Variants in ERC2 observed in about 807,000 individuals in gnomAD.
ERC2 encodes ELKS/RAB6-interacting/CAST family member 2.
Under a neutral mutation model 114.8 loss-of-function variants are expected in ERC2, and 42 were observed. The ratio of observed to expected loss-of-function variants is 0.37; its 90% CI spans 0.29 to 0.47. The LOEUF (loss-of-function observed/expected upper bound fraction) is 0.47, where lower values mean the gene tolerates loss of function less well. Ranked by LOEUF, ERC2 falls within the 20% of genes least tolerant of loss-of-function variation. The pLI is 0.99. For synonymous variants in ERC2, 454 were observed against 425.5 expected, an observed-to-expected ratio of 1.07 and a Z score of -0.82; for missense variants, 939 against 1,150.7, an observed-to-expected ratio of 0.82 and a Z score of 2.66.
At position 56,165,827 on chromosome 3, in the gene ERC2, T is replaced by C. The variant is rs561872023; in HGVS notation, c.1149+7619A>G. The stretch of plus-strand genomic sequence containing the variant: ...ATTTACTAATCTAATATTGTATATA[T>C]GGATTCACTGATATTTTCTACAGAC... On this transcript the variant is annotated intron_variant, in intron 4 of 17. Coordinates refer to ENST00000288221, the MANE Select transcript of ERC2 (RefSeq NM_015576.3). Among the ~76,000 whole-genome samples, 5 of 152,138 alleles carry C rather than the reference T, an allele frequency of 3.3e-5. No individual in the cohort carries two copies. In the East Asian group the frequency reaches 7.7e-4, roughly 23 times the overall value.
chr3:56,273,687 C>T (rs2150302297), intron 3 of ERC2, among the ~76,000 whole-genome samples: 1 of 152,036 alleles, frequency 6.6e-6, no homozygotes, highest in Non-Finnish European at 1.5e-5. Context: ...GTAGAAGCTC[C>T]CAAAAAAAGG....
intron 2 of ERC2, among the ~76,000 whole-genome samples, chr3:56,365,608 A>G (rs368466298): frequency 2.6e-5 from 4 of 152,378 alleles, no homozygotes; most frequent in African/African-American, 9.6e-5. Context: ...TATGGTCCAC[A>G]AGCTAAGAAT....
intron 17 of ERC2, among the ~76,000 whole-genome samples, chr3:55,635,602 GC>G (rs2059927971): frequency 6.6e-6 from 1 of 151,924 alleles, no homozygotes; most frequent in Non-Finnish European, 1.5e-5. Flanking sequence ...TGTTGGCCAA[GC>G]TGGTCTTGAA....
Position 56,204,476 on chromosome 3 carries a change from C to CTTTTATTTTATTGTATTTTA in ERC2, c.1075-30957_1075-30956insTAAAATACAATAAAATAAAA, listed in dbSNP as rs1553876361. Among the ~76,000 whole-genome samples, 561 of 132,926 alleles carry CTTTTATTTTATTGTATTTTA rather than the reference C, an allele frequency of 4.2e-3. 5 individuals carry two copies. Among genetic ancestry groups the CTTTTATTTTATTGTATTTTA allele is most frequent in the African/African-American group, 0.015 (533 of 36,072 alleles). 87.2% of individuals were successfully genotyped at this position (132,926 alleles called of 152,430 possible). On this transcript the variant is annotated intron_variant, in intron 3 of 17. Transcript: ENST00000288221. ...TGTGACACAAACATTTAATTAGATG[C>CTTTTATTTTATTGTATTTTA]TTTTATTTTATTTTATTTTATTTTA...
At chr3:55,588,481 C>T (rs760402226) in intron 17 of ERC2, among the ~76,000 whole-genome samples, 1 of 152,216 alleles carries the variant, frequency 6.6e-6, no homozygotes, top group East Asian at 1.9e-4. Context: ...AAAAGACACA[C>T]GAACCTTAGA....
At chr3:56,244,190 C>G (rs1451134450) in intron 3 of ERC2, among the ~76,000 whole-genome samples, 1 of 152,076 alleles carries the variant, frequency 6.6e-6, no homozygotes, top group Non-Finnish European at 1.5e-5. Flanking sequence ...TCATCGCCTT[C>G]GTGAAACAGC....
At chr3:56,265,974 A>G (rs1373024424) in intron 3 of ERC2, among the ~76,000 whole-genome samples, 1 of 151,228 alleles carries the variant, frequency 6.6e-6, no homozygotes. Flanking sequence ...GGTTGCAGTG[A>G]GTTGAGATCA....
chr3:55,970,229 A>T (rs968725874), intron 12 of ERC2, among the ~76,000 whole-genome samples: 1 of 152,180 alleles, frequency 6.6e-6, no homozygotes, highest in Non-Finnish European at 1.5e-5. Flanking sequence ...AATAGCGCAA[A>T]TAACAAATCA....
intron 14 of ERC2, among the ~76,000 whole-genome samples, chr3:55,760,717 G>C (rs1483042905): frequency 2.0e-5 from 3 of 152,180 alleles, no homozygotes; most frequent in Non-Finnish European, 2.9e-5. Context: ...TCTGCATGGA[G>C]GTGGTTCAGT....
At chr3:55,888,641 GGA>G in intron 13 of ERC2, 92 bp from the exon 14 acceptor site, 1 of 1,458,316 alleles carries the variant, frequency 6.9e-7, no homozygotes, top group Non-Finnish European at 9.5e-7. Context: ...CAAACACAAA[GGA>G]ATCACAGGGA....
intron 14 of ERC2, among the ~76,000 whole-genome samples, chr3:55,751,276 G>C (rs143869726): frequency 1.3e-5 from 2 of 152,110 alleles, no homozygotes; most frequent in Non-Finnish European, 2.9e-5. Context: ...GGTATCTTTA[G>C]GATATAAGTG....
chr3:55,988,317 C>T (rs1233091502), intron 11 of ERC2, among the ~76,000 whole-genome samples: 4 of 152,190 alleles, frequency 2.6e-5, no homozygotes, highest in African/African-American at 9.7e-5. Context: ...TAGCAAACTC[C>T]CCTGAGCTGC....
chr3:55,678,979 A>G (rs560601384), intron 17 of ERC2, among the ~76,000 whole-genome samples: 6 of 152,290 alleles, frequency 3.9e-5, no homozygotes, highest in Non-Finnish European at 8.8e-5. Flanking sequence ...CTCACAGATC[A>G]TGGAACAGCC....
At chr3:55,586,233 T>A (rs2057595626) in intron 17 of ERC2, among the ~76,000 whole-genome samples, 1 of 152,150 alleles carries the variant, frequency 6.6e-6, no homozygotes, top group Admixed American at 6.5e-5. Context: ...GAGGTGGCCC[T>A]CGGACTGTGA....
intron 13 of ERC2, among the ~76,000 whole-genome samples, chr3:55,897,671 G>T (rs1396873905): frequency 6.6e-6 from 1 of 152,206 alleles, no homozygotes; most frequent in Non-Finnish European, 1.5e-5. Context: ...CCCGTCAGCA[G>T]CAGCAACTCC....
chr3:55,539,411 C>CTTTTTTTT (rs1559619170), intron 17 of ERC2, among the ~76,000 whole-genome samples: 13 of 49,064 alleles, frequency 2.6e-4, no homozygotes, highest in East Asian at 1.7e-3. Flanking sequence ...CTCTTTTTTT[C>CTTTTTTTT]TTTCTTTTTT....
intron 1 of ERC2, among the ~76,000 whole-genome samples, chr3:56,464,195 G>A (rs1046387565): frequency 5.9e-5 from 9 of 152,138 alleles, no homozygotes; most frequent in South Asian, 2.1e-4. Flanking sequence ...TCAAATATTC[G>A]CTCCCTTACT....
At chr3:56,290,814 T>C (rs2055034101) in intron 3 of ERC2, among the ~76,000 whole-genome samples, 2 of 152,172 alleles carry the variant, frequency 1.3e-5, no homozygotes, top group Admixed American at 1.3e-4. Flanking sequence ...CAATAATTCA[T>C]GTTACCTCTT....
chr3:56,348,883 G>A (rs1332441188), intron 2 of ERC2, among the ~76,000 whole-genome samples: 2 of 59,450 alleles, frequency 3.4e-5, no homozygotes, highest in African/African-American at 1.4e-4. Context: ...AAGGAAGGAA[G>A]GAAGGAAGGA....
Sources: gnomAD v4.1 joint callset for allele counts (sites outside exome capture counted in the v4.1 genomes callset) on GRCh38, gnomAD v4.1.1 for gene constraint, MANE v1.5 for transcripts, NCBI Gene and HGNC (gene_info 2026-07-23, HGNC 2026-07-21) for gene names.